The following ACTR3C variants were observed in gnomAD, a reference collection of about 807,000 sequenced individuals.
ACTR3C encodes actin related protein 3C, also known as actin-related protein 3C.
ACTR3C carries 18 observed loss-of-function variants against 26.3 expected under a neutral mutation model. The observed-to-expected ratio is 0.68, with a 90% CI of 0.47 to 1.01. The LOEUF is 1.01. Among genes scored for constraint, ACTR3C ranks in the 50% least tolerant of loss-of-function variants. The pLI is 0.00. For missense variants in ACTR3C, 184 were observed against 250.7 expected, an observed-to-expected ratio of 0.73 and a Z score of 1.80; for synonymous variants, 55 against 94.5, an observed-to-expected ratio of 0.58 and a Z score of 2.42.
the ACTR3C span, among the ~76,000 whole-genome samples, chr7:150,157,490 C>T: frequency 7.3e-5 from 11 of 151,616 alleles, no homozygotes; most frequent in Non-Finnish European, 1.3e-4. Flanking sequence ...TGTTGGGCAA[C>T]TTCGTGGAGC....
the ACTR3C span, among the ~76,000 whole-genome samples, chr7:150,083,588 C>T: frequency 2.6e-4 from 39 of 152,260 alleles, 1 homozygote; most frequent in South Asian, 7.9e-3. Context: ...ATATTGTTAA[C>T]TATAGTCACC....
At chr7:150,142,143 C>T in the ACTR3C span, among the ~76,000 whole-genome samples, 11 of 152,188 alleles carry the variant, frequency 7.2e-5, no homozygotes, top group Admixed American at 6.5e-5. Flanking sequence ...GCAAAACCCT[C>T]GGCTCTTGGC....
the ACTR3C span, among the ~76,000 whole-genome samples, chr7:149,891,996 A>G: frequency 1.7e-4 from 22 of 131,174 alleles, no homozygotes; most frequent in Non-Finnish European, 3.5e-4. Flanking sequence ...CAACCTGTCA[A>G]CAATTTTCCA....
At chr7:150,180,589 T>C in the ACTR3C span, among the ~76,000 whole-genome samples, 3 of 145,488 alleles carry the variant, frequency 2.1e-5, no homozygotes, top group Non-Finnish European at 3.0e-5. Flanking sequence ...CTCGGCTCAC[T>C]GCAAGCTCCG....
At chr7:149,968,730 C>T in the ACTR3C span, among the ~76,000 whole-genome samples, 4 of 152,002 alleles carry the variant, frequency 2.6e-5, no homozygotes, top group Non-Finnish European at 5.9e-5. Flanking sequence ...TAGCCATAGT[C>T]CACAGGGCTG....
chr7:150,022,165 C>CAGG, the ACTR3C span, among the ~76,000 whole-genome samples: 1 of 152,010 alleles, frequency 6.6e-6, no homozygotes, highest in Non-Finnish European at 1.5e-5. Flanking sequence ...GCCATTTGTG[C>CAGG]AGGAGTAAGG....
At chr7:150,017,390 A>G in the ACTR3C span, among the ~76,000 whole-genome samples, 3 of 151,386 alleles carry the variant, frequency 2.0e-5, no homozygotes, top group Non-Finnish European at 4.4e-5. Flanking sequence ...TGACTGACAC[A>G]CTATATCACA....
At chr7:150,255,037 T>C (rs1342374725) in intron 6 of ACTR3C, among the ~76,000 whole-genome samples, 1 of 152,060 alleles carries the variant, frequency 6.6e-6, no homozygotes, top group Admixed American at 6.5e-5. Context: ...CTCATAATTA[T>C]AGAGCCTGTG....
At chr7:150,065,053 T>C in the ACTR3C span, among the ~76,000 whole-genome samples, 1 of 151,780 alleles carries the variant, frequency 6.6e-6, no homozygotes, top group Non-Finnish European at 1.5e-5. Flanking sequence ...GATGGATAAA[T>C]GCCTCTCTAG....
Position 150,301,106 on chromosome 7 carries a change from A to C in ACTR3C, c.-51-5759T>G, listed in dbSNP as rs1244096288. Reference sequence around the variant, plus strand: ...GCTGGGCACATAGAAGTACTCAATAAACAGCCATAATAGCCAATATTGTAT... The same window carrying C: ...GCTGGGCACATAGAAGTACTCAATACACAGCCATAATAGCCAATATTGTAT... On this transcript the variant is annotated intron_variant, in intron 1 of 7. Coordinates refer to ENST00000683684, the MANE Select transcript of ACTR3C (RefSeq NM_001164458.2). Among the ~76,000 whole-genome samples the C allele has an allele frequency of 2.6e-5, 4 of 152,346 alleles. No individual in the cohort carries two copies. The East Asian group carries it at 7.7e-4, about 29-fold the overall frequency.
chr7:150,039,122 T>A, the ACTR3C span, among the ~76,000 whole-genome samples: 1 of 148,422 alleles, frequency 6.7e-6, no homozygotes, highest in African/African-American at 2.5e-5. Context: ...CTAAGGATCT[T>A]AGGATCAACG....
the ACTR3C span, among the ~76,000 whole-genome samples, chr7:150,036,599 A>G: frequency 7.0e-6 from 1 of 142,744 alleles, no homozygotes; most frequent in Admixed American, 6.9e-5. Flanking sequence ...TAATACTGCA[A>G]TGTTTGGGAT....
At chr7:150,128,659 C>T in the ACTR3C span, among the ~76,000 whole-genome samples, 6 of 151,674 alleles carry the variant, frequency 4.0e-5, no homozygotes, top group Admixed American at 1.3e-4. Flanking sequence ...CTCTCATGCA[C>T]GCTTCCTTCA....
chr7:150,323,045 T>G (rs1413072059), intron 1 of ACTR3C: 1 of 152,602 alleles, frequency 6.6e-6, no homozygotes, highest in Non-Finnish European at 1.5e-5. Context: ...CCGCCATCCG[T>G]CCGGAGACTG....
chr7:149,994,054 T>G, the ACTR3C span, among the ~76,000 whole-genome samples: 1 of 152,192 alleles, frequency 6.6e-6, no homozygotes, highest in Admixed American at 6.5e-5. Flanking sequence ...GAGCTAGGGT[T>G]GTCTGACATG....
the ACTR3C span, among the ~76,000 whole-genome samples, chr7:150,008,341 A>G: frequency 6.6e-6 from 1 of 152,236 alleles, no homozygotes; most frequent in Non-Finnish European, 1.5e-5. Context: ...GCTCTGAGCC[A>G]CATCCTTCCA....
At chr7:150,120,299 G>GT in the ACTR3C span, among the ~76,000 whole-genome samples, 11 of 152,150 alleles carry the variant, frequency 7.2e-5, no homozygotes, top group African/African-American at 7.2e-5. Context: ...CCAGGAGCTG[G>GT]TTTTTTCAAA....
the ACTR3C span, among the ~76,000 whole-genome samples, chr7:150,045,685 G>T: frequency 4.5e-4 from 68 of 151,976 alleles, 1 homozygote; most frequent in African/African-American, 1.4e-3. Context: ...GTTTATGTGA[G>T]AATCATTTCT....
At chr7:149,886,723 A>G in the ACTR3C span, among the ~76,000 whole-genome samples, 2 of 152,368 alleles carry the variant, frequency 1.3e-5, no homozygotes, top group Non-Finnish European at 2.9e-5. Flanking sequence ...TGGGAAGCCA[A>G]GGCGGGCGGA....
Sources: allele counts gnomAD v4.1 joint callset (sites outside exome capture counted in the v4.1 genomes callset), GRCh38; gene constraint gnomAD v4.1.1; transcripts MANE v1.5; gene names NCBI Gene and HGNC (gene_info 2026-07-23, HGNC 2026-07-21).